The following XYLB variants were observed in gnomAD, a reference collection of about 807,000 sequenced individuals.
XYLB encodes xylulokinase.
A neutral mutation model predicts 78.7 loss-of-function variants in XYLB; 62 were observed. The ratio of observed to expected loss-of-function variants is 0.79; its 90% CI spans 0.64 to 0.97. The LOEUF (loss-of-function observed/expected upper bound fraction) is 0.97, where lower values mean the gene tolerates loss of function less well. Ranked by LOEUF, XYLB falls within the 50% of genes least tolerant of loss-of-function variation. The probability of loss-of-function intolerance (pLI) is 0.00; values close to 1 mark genes in which losing one functional copy is unlikely to be tolerated. For missense variants in XYLB, 687 were observed against 676.8 expected (o/e 1.02, Z -0.17); for synonymous variants, 245 against 247.4 (o/e 0.99, Z 0.09).
intron 15 of XYLB, among the ~76,000 whole-genome samples, chr3:38,382,835 C>T (rs953572687): frequency 7.9e-5 from 12 of 152,340 alleles, no homozygotes; most frequent in African/African-American, 2.9e-4. Context: ...TTGTGCAAAA[C>T]AGCATAGAGT....
chr3:38,366,581 CTGTGT>C (rs1243836935), intron 6 of XYLB, among the ~76,000 whole-genome samples: 1 of 152,218 alleles, frequency 6.6e-6, no homozygotes, highest in Admixed American at 6.5e-5. Context: ...CGAGGTCTCA[CTGTGT>C]TGCCCAGGCT....
the XYLB span, among the ~76,000 whole-genome samples, chr3:38,445,445 G>T: frequency 6.6e-6 from 1 of 152,190 alleles, no homozygotes; most frequent in African/African-American, 2.4e-5. Flanking sequence ...AACAGGGAGT[G>T]CTTTCTAAAA....
At chr3:38,432,764 A>C in the XYLB span, among the ~76,000 whole-genome samples, 5 of 152,232 alleles carry the variant, frequency 3.3e-5, no homozygotes, top group African/African-American at 4.8e-5. Flanking sequence ...ATGCTGATGC[A>C]AGAGGTGGGC....
chr3:38,360,159 G>A (rs1446835586), intron 2 of XYLB, among the ~76,000 whole-genome samples, 180 bp from the exon 3 acceptor site: 3 of 152,186 alleles, frequency 2.0e-5, no homozygotes, highest in African/African-American at 4.8e-5. Flanking sequence ...CAATTTGCCT[G>A]TCTTCTCTTT....
intron 15 of XYLB, among the ~76,000 whole-genome samples, chr3:38,379,660 G>T (rs1208285989): frequency 1.3e-5 from 2 of 152,210 alleles, no homozygotes; most frequent in Non-Finnish European, 2.9e-5. Context: ...GCTGTCCTGA[G>T]CTCTGGACTG....
intron 18 of XYLB, among the ~76,000 whole-genome samples, chr3:38,403,306 AG>A (rs1708189808): frequency 6.6e-6 from 1 of 151,244 alleles, no homozygotes; most frequent in African/African-American, 2.4e-5. Context: ...AAAAAAAAAA[AG>A]TTACTAATAT....
At chr3:38,436,893 A>G in the XYLB span, among the ~76,000 whole-genome samples, 2 of 151,776 alleles carry the variant, frequency 1.3e-5, no homozygotes, top group Admixed American at 1.3e-4. Context: ...AATCCCAGCT[A>G]CTTGGGAGGC....
chr3:38,418,214 G>GATAT (rs1261040938), downstream of XYLB, among the ~76,000 whole-genome samples: 2 of 136,714 alleles, frequency 1.5e-5, no homozygotes, highest in African/African-American at 5.3e-5. Flanking sequence ...AAAAAAAAAA[G>GATAT]ATATATATAT....
chr3:38,407,950 C>G (rs1352452435), intron 18 of XYLB, among the ~76,000 whole-genome samples: 16 of 152,142 alleles, frequency 1.1e-4, no homozygotes, highest in Middle Eastern at 3.4e-3. Context: ...CTTTAACACC[C>G]CACTGTCAAC....
At chr3:38,439,526 G>A in the XYLB span, among the ~76,000 whole-genome samples, 1 of 152,190 alleles carries the variant, frequency 6.6e-6, no homozygotes, top group African/African-American at 2.4e-5. Context: ...ACTTTGGGAG[G>A]CCGAGGCAGG....
At chr3:38,395,405 C>T in intron 15 of XYLB, 100 bp from the exon 16 acceptor site, 2 of 1,053,828 alleles carry the variant, frequency 1.9e-6, no homozygotes. Context: ...AGGCATTGGC[C>T]CATCATGAGC....
At chr3:38,368,987 G>T (rs185817392) in intron 8 of XYLB, among the ~76,000 whole-genome samples, 102 of 152,306 alleles carry the variant, frequency 6.7e-4, no homozygotes, top group Admixed American at 1.6e-3. Flanking sequence ...CCAGTGAGGA[G>T]GGAAAGCTGG....
At chr3:38,444,642 T>C in the XYLB span, among the ~76,000 whole-genome samples, 1 of 152,162 alleles carries the variant, frequency 6.6e-6, no homozygotes. Context: ...GGCCAGGCCA[T>C]AGTGCAGAAA....
At chr3:38,353,661 C>T (rs551977971) in intron 2 of XYLB, among the ~76,000 whole-genome samples, 6 of 151,942 alleles carry the variant, frequency 3.9e-5, no homozygotes, top group East Asian at 1.9e-4. Context: ...CTGAGGTGGG[C>T]GGATTACCTG....
the XYLB span, among the ~76,000 whole-genome samples, chr3:38,439,933 G>A: frequency 6.6e-6 from 1 of 152,172 alleles, no homozygotes; most frequent in African/African-American, 2.4e-5. Flanking sequence ...GGCCTCAGAG[G>A]TTTTGGAGAG....
chr3:38,349,472 AT>A (rs1264249791), intron 2 of XYLB, among the ~76,000 whole-genome samples: 1 of 152,200 alleles, frequency 6.6e-6, no homozygotes, highest in African/African-American at 2.4e-5. Flanking sequence ...GTGGGGAACT[AT>A]TAAAGAGGTT....
chr3:38,388,617 T>A (rs1707500932), intron 15 of XYLB, among the ~76,000 whole-genome samples: 1 of 152,240 alleles, frequency 6.6e-6, no homozygotes, highest in Admixed American at 6.5e-5. Context: ...TTCTTCATTT[T>A]GTCTTTTCTA....
the XYLB span, among the ~76,000 whole-genome samples, chr3:38,441,275 C>T: frequency 6.6e-6 from 1 of 152,202 alleles, no homozygotes. Context: ...TTCTTTTTCC[C>T]TTTCCCAGTT....
Position 38,362,863 on chromosome 3 carries a change from G to A in XYLB, c.211-74G>A, listed in dbSNP as rs540016301. On this transcript the variant is annotated intron_variant, in intron 3 of 18. Transcript: ENST00000207870. ...CTCTGCTGTAATGGCAGGCACTTGC[G>A]TTTCAATTCTGAGGCTTGCGTGTCT... 28 of 1,311,290 alleles carry A rather than the reference G, an allele frequency of 2.1e-5. No homozygotes were observed. The South Asian group carries it at 4.0e-4, about 19-fold the overall frequency. 81.2% of individuals were successfully genotyped at this position (1,311,290 alleles called of 1,614,324 possible). A position where few individuals can be genotyped will look rare whatever the true frequency, so the allele number is the denominator to read the frequency against.
Sources: gnomAD v4.1 joint callset for allele counts (sites outside exome capture counted in the v4.1 genomes callset) on GRCh38, gnomAD v4.1.1 for gene constraint, MANE v1.5 for transcripts, NCBI Gene and HGNC (gene_info 2026-07-23, HGNC 2026-07-21) for gene names.